Variants in DGKB observed in about 807,000 individuals in gnomAD.
The protein encoded by DGKB is 90 kDa diacylglycerol kinase.
Under a neutral mutation model 114.3 loss-of-function variants are expected in DGKB, and 67 were observed. The observed-to-expected ratio is 0.59, with a 90% CI of 0.48 to 0.72. The LOEUF is 0.72. Among genes scored for constraint, DGKB ranks in the 30% least tolerant of loss-of-function variants. DGKB has a pLI of 0.00. For synonymous variants in DGKB, 398 were observed against 323.1 expected (o/e 1.23, Z -2.49); for missense variants, 907 against 975.2 (o/e 0.93, Z 0.93).
At chr7:14,506,701 A>T (rs1214637023) in intron 20 of DGKB, among the ~76,000 whole-genome samples, 3 of 152,214 alleles carry the variant, frequency 2.0e-5, no homozygotes, top group Non-Finnish European at 4.4e-5. Flanking sequence ...CTGCCAGTCC[A>T]GGATACTATA....
intron 20 of DGKB, among the ~76,000 whole-genome samples, chr7:14,498,931 A>G (rs1409897688): frequency 6.6e-6 from 1 of 151,650 alleles, no homozygotes; most frequent in African/African-American, 2.4e-5. Flanking sequence ...TTTGAGGATG[A>G]AGAAAAGACA....
chr7:14,784,747 T>C (rs1374518263), intron 2 of DGKB, among the ~76,000 whole-genome samples: 1 of 152,200 alleles, frequency 6.6e-6, no homozygotes, highest in East Asian at 1.9e-4. Context: ...TACAATTACT[T>C]ATGCACCTAA....
At position 14,359,202 on chromosome 7, in the gene DGKB, A is replaced by G. The variant is rs561473737; in HGVS notation, c.1836-13811T>C. ...AACTGATCTTTGACAAACCTGACAAAAACAAGCAATGGTGAAAGGATTCCT... is the reference window on the plus strand; with the variant it reads ...AACTGATCTTTGACAAACCTGACAAGAACAAGCAATGGTGAAAGGATTCCT... On this transcript the variant is annotated intron_variant, in intron 21 of 25. Coordinates refer to ENST00000402815, the MANE Select transcript of DGKB (RefSeq NM_001350709.2). 1.1e-4 allele frequency among the ~76,000 whole-genome samples: 16 copies of G among 152,342 alleles called. No individual in the cohort carries two copies. The East Asian group carries it at 3.1e-3, about 29-fold the overall frequency.
chr7:14,595,360 A>G (rs910472342), intron 17 of DGKB, among the ~76,000 whole-genome samples: 4 of 151,988 alleles, frequency 2.6e-5, no homozygotes, highest in African/African-American at 9.7e-5. Context: ...TTCGGGAAAA[A>G]GGGAGAAAAC....
At chr7:14,444,046 T>C (rs1471840268) in intron 21 of DGKB, among the ~76,000 whole-genome samples, 1 of 151,918 alleles carries the variant, frequency 6.6e-6, no homozygotes, top group Non-Finnish European at 1.5e-5. Context: ...TCCTCTATTG[T>C]GGATTTTTTC....
chr7:14,518,527 G>T (rs556986189), intron 20 of DGKB, among the ~76,000 whole-genome samples: 1 of 151,628 alleles, frequency 6.6e-6, no homozygotes, highest in South Asian at 2.1e-4. Context: ...TAAGAGATAC[G>T]TGAACTTTAA....
intron 22 of DGKB, among the ~76,000 whole-genome samples, chr7:14,341,850 T>C (rs563746543): frequency 6.6e-6 from 1 of 151,918 alleles, no homozygotes; most frequent in South Asian, 2.1e-4. Flanking sequence ...GTGAAGAACT[T>C]TGGAGAGCTC....
At chr7:14,955,011 T>C (rs1786416638) in intron 1 of DGKB, among the ~76,000 whole-genome samples, 1 of 151,902 alleles carries the variant, frequency 6.6e-6, no homozygotes, top group Admixed American at 6.6e-5. Context: ...AAGAGTACAA[T>C]AGAGGAGACA....
At chr7:14,502,434 A>G (rs1471291177) in intron 20 of DGKB, among the ~76,000 whole-genome samples, 1 of 152,078 alleles carries the variant, frequency 6.6e-6, no homozygotes, top group Non-Finnish European at 1.5e-5. Flanking sequence ...CCCCCTACAA[A>G]ATTGTGAGTA....
rs13246583 is a variant in DGKB, at chr7:14,465,890, G to A, written c.1835+12271C>T. On this transcript the variant is annotated intron_variant, in intron 21 of 25. Coordinates refer to ENST00000402815, the MANE Select transcript of DGKB (RefSeq NM_001350709.2). ...TGCTCACATGTGATATATGTAGTGT[G>A]AGCCTTACTCCTAGCTGCTGGTGTA... Among the ~76,000 whole-genome samples the A allele has an allele frequency of 4.2e-3, 641 of 152,250 alleles. 4 individuals carry two copies. The highest frequency in any genetic ancestry group is 7.0e-3 in the Non-Finnish European group (473 of 68,022).
chr7:14,283,545 C>T (rs1238069464), intron 23 of DGKB, among the ~76,000 whole-genome samples: 60 of 148,816 alleles, frequency 4.0e-4, no homozygotes, highest in Non-Finnish European at 5.8e-4. Context: ...AAAAAGAGCC[C>T]GCATCGCCAA....
chr7:14,426,600 G>A (rs1827569492), intron 21 of DGKB, among the ~76,000 whole-genome samples: 1 of 152,170 alleles, frequency 6.6e-6, no homozygotes. Context: ...TGAGTGATTT[G>A]TTGAGAATGA....
rs118135044 is a variant in DGKB, at chr7:14,936,513, C to A, written c.-188+38183G>T. ...CTAAAGTACTCTTTCTATTTCTTTA[C>A]CAATCCTTAAATGTCTCAAATGCCT... On this transcript the variant is annotated intron_variant, in intron 1 of 4. Coordinates refer to the DGKB transcript ENST00000437998. Among the ~76,000 whole-genome samples the A allele has an allele frequency of 4.0e-3, 613 of 152,212 alleles. 11 individuals are homozygous for A. Among genetic ancestry groups the A allele is most frequent in the East Asian group, 0.025 (128 of 5,166 alleles).
intron 2 of DGKB, among the ~76,000 whole-genome samples, chr7:14,772,973 T>A (rs1837636037): frequency 6.6e-6 from 1 of 152,212 alleles, no homozygotes; most frequent in African/African-American, 2.4e-5. Flanking sequence ...TTATCTTCAA[T>A]GCTTTAATCT....
rs532915380 is a variant in DGKB at position 14,827,305 on chromosome 7, G to A, written c.70+13889C>T. 5.9e-5 allele frequency among the ~76,000 whole-genome samples: 9 copies of A among 152,200 alleles called. No homozygotes were observed. In the East Asian group the frequency reaches 1.5e-3, roughly 26 times the overall value. On this transcript the variant is annotated intron_variant, in intron 2 of 25. Transcript: ENST00000402815. ...AGGCATTACCCAGAATTTTTGACCTGTGGAATGGTCACACCTGAATCCAAG... is the reference window on the plus strand; with the variant it reads ...AGGCATTACCCAGAATTTTTGACCTATGGAATGGTCACACCTGAATCCAAG...
At chr7:14,688,145 C>G (rs926913809) in intron 9 of DGKB, among the ~76,000 whole-genome samples, 11 of 152,028 alleles carry the variant, frequency 7.2e-5, no homozygotes, top group Admixed American at 6.6e-4. Context: ...AGATCGTAAA[C>G]TTAATGGGGG....
chr7:14,217,645 A>C (rs905856776), intron 23 of DGKB, among the ~76,000 whole-genome samples: 1 of 152,074 alleles, frequency 6.6e-6, no homozygotes, highest in African/African-American at 2.4e-5. Context: ...ACAGGCCTCA[A>C]AACAAGCTAA....
chr7:14,358,428 T>G (rs1229194413), intron 21 of DGKB, among the ~76,000 whole-genome samples: 1 of 152,174 alleles, frequency 6.6e-6, no homozygotes, highest in East Asian at 1.9e-4. Context: ...TGCCATGGTT[T>G]TCAGCTCCAT....
intron 1 of DGKB, among the ~76,000 whole-genome samples, chr7:14,950,105 TA>T (rs148336440): frequency 0.21 from 31,023 of 147,760 alleles, 5,018 homozygotes; most frequent in East Asian, 0.77. Context: ...AGTATAATAA[TA>T]AAAAAAAAGA....
Sources: gnomAD v4.1 joint callset for allele counts (sites outside exome capture counted in the v4.1 genomes callset) on GRCh38, gnomAD v4.1.1 for gene constraint, MANE v1.5 for transcripts, NCBI Gene and HGNC (gene_info 2026-07-23, HGNC 2026-07-21) for gene names.